The following ALKBH7 variants were observed in gnomAD, a reference collection of about 807,000 sequenced individuals.
ALKBH7 encodes alkB homolog 7, RNA demethylase.
Under a neutral mutation model 19.3 loss-of-function variants are expected in ALKBH7, and 21 were observed. The ratio of observed to expected loss-of-function variants is 1.09; its 90% CI spans 0.77 to 1.56. ALKBH7 has a LOEUF of 1.56. ALKBH7 is among the 40% of genes most tolerant of loss of function. ALKBH7 has a pLI of 0.00. For synonymous variants in ALKBH7, 147 were observed against 139.5 expected, an observed-to-expected ratio of 1.05 and a Z score of -0.38; for missense variants, 354 against 311.4, an observed-to-expected ratio of 1.14 and a Z score of -1.03.
At chr19:6,373,635 C>T in intron 1 of ALKBH7, 1 of 1,211,152 alleles carries the variant, frequency 8.3e-7, no homozygotes, top group Non-Finnish European at 1.0e-6. Flanking sequence ...GGGTTGGGGC[C>T]ATGCTGTGGG....
Position 6,374,469 on chromosome 19 carries a change from G to T in ALKBH7, c.383G>T (p.Cys128Phe). The change falls in exon 3 of 4, where the codon TGC (cysteine) becomes TTC (phenylalanine). Residue 128 changes from cysteine to phenylalanine, a missense_variant. By Grantham distance (205) the Cys-to-Phe change is radical (BLOSUM62 -2). Coordinates refer to ENST00000245812, the MANE Select transcript of ALKBH7 (RefSeq NM_032306.4). ...ATCCCCACGCCTCTTTTGCAGTTCT[G>T]CGGGGCCACCATCGCCGGCCTGTCT... is the stretch of plus-strand genomic sequence containing the variant. ...IKPHVDSIKF[C>F]GATIAGLSLL... 1.2e-6 allele frequency: 2 copies of T among 1,613,692 alleles called. No individual in the cohort carries two copies. Among genetic ancestry groups the T allele is most frequent in the Non-Finnish European group, 1.7e-6 (2 of 1,179,824 alleles).
At chr19:6,373,286 TG>T in intron 1 of ALKBH7, among the ~76,000 whole-genome samples, 1 of 56,616 alleles carries the variant, frequency 1.8e-5, no homozygotes, top group East Asian at 6.8e-4. Flanking sequence ...GGGGCCACGC[TG>T]GGGCGGGGAC....
In ALKBH7 at chr19:6,374,821, C is replaced by T. The variant is rs2091913189; in HGVS notation, c.514C>T (p.Arg172Cys). Residue 172 changes from arginine (R) to cysteine (C), a missense_variant, in exon 4 of 4, where the codon CGT (arginine) becomes TGT (cysteine). Arg to Cys is a radical substitution (Grantham distance 180). Coordinates refer to ENST00000245812, the MANE Select transcript of ALKBH7 (RefSeq NM_032306.4). ...GSLYILRGSA[R>C]YDFSHEILRD... Reference sequence around the variant, plus strand: ...TGTTTCTTCCTGCAGGGGCTCAGCCCGTTATGACTTCTCCCATGAGATCCT... The same window carrying T: ...TGTTTCTTCCTGCAGGGGCTCAGCCTGTTATGACTTCTCCCATGAGATCCT... 6 of 1,612,546 alleles carry T rather than the reference C, an allele frequency of 3.7e-6. No homozygotes were observed. Among genetic ancestry groups the T allele is most frequent in the South Asian group, 1.1e-5 (1 of 90,952 alleles).
At chr19:6,373,991 T>C (rs997398897) in intron 1 of ALKBH7, 44 of 984,650 alleles carry the variant, frequency 4.5e-5, no homozygotes, top group Non-Finnish European at 4.9e-5. Flanking sequence ...CGGGCCAGCA[T>C]TGGGGACCTG....
chr19:6,373,089 AGCATCAGATGGG>A (rs2091899515), intron 1 of ALKBH7, 65 bp downstream of exon 1: 3 of 1,503,020 alleles, frequency 2.0e-6, no homozygotes, highest in Non-Finnish European at 1.8e-6. Context: ...GGGGACGTGG[AGCATCAGATGGG>A]GCGGGGACAC....
Position 6,374,582 on chromosome 19 carries a change from A to T in ALKBH7, c.496A>T (p.Ile166Phe), listed in dbSNP as rs1304657280. 5 of 1,612,724 alleles carry T rather than the reference A, an allele frequency of 3.1e-6. No homozygotes were observed. In the African/African-American group the frequency reaches 6.7e-5, roughly 22 times the overall value. Residue 166 changes from isoleucine to phenylalanine, a missense_variant, in exon 3 of 4, where the codon ATC (isoleucine) becomes TTC (phenylalanine). Coordinates refer to ENST00000245812, the MANE Select transcript of ALKBH7 (RefSeq NM_032306.4). ...ELLLEPGSLY[I>F]LRGSARYDFS... ...CTTGCTGGAGCCGGGCTCCCTCTAC[A>T]TCCTTAGGTACCTCCATCCAGGCAG...
Position 6,372,809 on chromosome 19 carries a change from C to G in ALKBH7, c.-12C>G, listed in dbSNP as rs773737642. ...CCAACCCTGCCCTCTCTCATGACCC[C>G]GCTCCGGGATTATGGCCGGGACTGG... On this transcript the variant is annotated 5_prime_UTR_variant, in exon 1 of 4. Transcript: ENST00000245812. The G allele has an allele frequency of 2.1e-4, 320 of 1,540,006 alleles. No homozygotes were observed. Among genetic ancestry groups the G allele is most frequent in the Non-Finnish European group, 2.3e-4 (266 of 1,147,450 alleles).
chr19:6,373,062 C>G (rs750139292), intron 1 of ALKBH7, 38 bp downstream of exon 1: 2 of 1,530,646 alleles, frequency 1.3e-6, no homozygotes, highest in Non-Finnish European at 1.8e-6. Flanking sequence ...GACGGGGGCT[C>G]GTCGGGGGCG....
chr19:6,373,224 G>A (rs1318216006), intron 1 of ALKBH7, among the ~76,000 whole-genome samples, 200 bp downstream of exon 1: 4 of 150,512 alleles, frequency 2.7e-5, no homozygotes, highest in African/African-American at 7.3e-5. Flanking sequence ...GTGGGGGCGG[G>A]GCTACGGTGC....
intron 1 of ALKBH7, chr19:6,373,597 CGGGGTCCGTGGAGTCAAGCGCCGGGAT>C (rs1160992611): frequency 2.2e-6 from 2 of 922,790 alleles, no homozygotes; most frequent in Admixed American, 9.2e-5. Context: ...AAGCTTGGGG[CGGGGTCCGTGGAGTCAAGCGCCGGGAT>C]GGGTTGGGGC....
chr19:6,375,225 A>G lies in ALKBH7; in HGVS notation c.*252A>G, dbSNP rs1304304297. The G allele has an allele frequency of 7.3e-7, 1 of 1,378,226 alleles. No individual in the cohort carries two copies. The highest frequency in any genetic ancestry group is 9.4e-7 in the Non-Finnish European group (1 of 1,068,468). 85.4% of individuals were successfully genotyped at this position (1,378,226 alleles called of 1,614,324 possible). A position where few individuals can be genotyped will look rare whatever the true frequency, so the allele number is the denominator to read the frequency against. ...TCCCCTCCTCGTTGTCTCTGCATCC[A>G]GGTCTCCAATAAATAAGTCAGCCGA... On this transcript the variant is annotated 3_prime_UTR_variant, in exon 4 of 4. Transcript: ENST00000245812.
chr19:6,374,801 C>T lies in ALKBH7; in HGVS notation c.504-10C>T, dbSNP rs2091912948. The T allele has an allele frequency of 6.2e-7, 1 of 1,607,494 alleles. No homozygotes were observed. The highest frequency in any genetic ancestry group is 2.2e-5 in the East Asian group (1 of 44,730). On this transcript the variant is annotated splice_polypyrimidine_tract_variant and intron_variant, in intron 3 of 3. Transcript: ENST00000245812. ...CCTTGCACCCAGTCACAGCCTGTTT[C>T]TTCCTGCAGGGGCTCAGCCCGTTAT... is the stretch of plus-strand genomic sequence containing the variant.
At chr19:6,373,488 T>G in intron 1 of ALKBH7, 3 of 478,700 alleles carry the variant, frequency 6.3e-6, no homozygotes, top group Non-Finnish European at 6.4e-6. Flanking sequence ...GGTGTAGGGT[T>G]GGGGTGCGAT....
rs2091915584 is a variant in ALKBH7 at position 6,375,192 on chromosome 19, C to T, written c.*219C>T. The stretch of plus-strand genomic sequence containing the variant: ...TTATTGCACTCACTGCTGGTCGCCC[C>T]AGCCCACTCCCCTCCTCGTTGTCTC... On this transcript the variant is annotated 3_prime_UTR_variant, in exon 4 of 4. Coordinates refer to ENST00000245812, the MANE Select transcript of ALKBH7 (RefSeq NM_032306.4). The T allele has an allele frequency of 3.7e-6, 5 of 1,338,900 alleles. No individual in the cohort carries two copies. Among genetic ancestry groups the T allele is most frequent in the Non-Finnish European group, 4.9e-6 (5 of 1,029,336 alleles). The allele number at this position is 1,338,900 out of a possible 1,614,324, so 82.9% of individuals were successfully genotyped here.
chr19:6,374,234 C>T lies in ALKBH7; in HGVS notation c.236C>T (p.Ser79Leu), dbSNP rs749700218. Residue 79 changes from serine to leucine, a missense_variant, in exon 2 of 4, where the codon TCG becomes TTG. Coordinates refer to ENST00000245812, the MANE Select transcript of ALKBH7 (RefSeq NM_032306.4). ...AIHGFRETEK[S>L]RWSEASRAIL... ...CACGGCTTCCGAGAGACAGAGAAGT[C>T]GCGCTGGTCAGAAGCCAGCCGGGCC... 1.2e-6 allele frequency: 2 copies of T among 1,613,234 alleles called. No homozygotes were observed. Among genetic ancestry groups the T allele is most frequent in the Non-Finnish European group, 8.5e-7 (1 of 1,179,756 alleles).
At position 6,374,978 on chromosome 19, in the gene ALKBH7, C is replaced by G; in HGVS notation, c.*5C>G. ...CAGCCGCCCCCAGCCTGCTGACCCC[C>G]AGCTTTCTACAGACACCAGATTTGT... On this transcript the variant is annotated 3_prime_UTR_variant, in exon 4 of 4. Coordinates refer to ENST00000245812, the MANE Select transcript of ALKBH7 (RefSeq NM_032306.4). 3 of 1,583,046 alleles carry G rather than the reference C, an allele frequency of 1.9e-6. No individual in the cohort carries two copies. The highest frequency in any genetic ancestry group is 2.6e-6 in the Non-Finnish European group (3 of 1,162,390).
At position 6,372,805 on chromosome 19, in the gene ALKBH7, A is replaced by C; in HGVS notation, c.-16A>C. ...TTCCCCAACCCTGCCCTCTCTCATG[A>C]CCCCGCTCCGGGATTATGGCCGGGA... On this transcript the variant is annotated 5_prime_UTR_variant, in exon 1 of 4. Transcript: ENST00000245812. 6.5e-7 allele frequency: 1 copy of C among 1,536,356 alleles called. No individual in the cohort carries two copies. The highest frequency in any genetic ancestry group is 2.5e-5 in the East Asian group (1 of 39,344).
chr19:6,373,977 G>C, intron 1 of ALKBH7: 1 of 985,278 alleles, frequency 1.0e-6, no homozygotes, highest in Non-Finnish European at 1.2e-6. Flanking sequence ...TTGAATGCTG[G>C]GGCCGGGCCA....
intron 1 of ALKBH7, chr19:6,373,673 G>C: frequency 8.0e-7 from 1 of 1,254,420 alleles, no homozygotes; most frequent in South Asian, 3.4e-5. Flanking sequence ...GGTTTAGAGA[G>C]GGCAGAACCA....
Sources: gnomAD v4.1 joint callset for allele counts (sites outside exome capture counted in the v4.1 genomes callset) on GRCh38, gnomAD v4.1.1 for gene constraint, MANE v1.5 for transcripts, NCBI Gene and HGNC (gene_info 2026-07-23, HGNC 2026-07-21) for gene names.